The following TRPM2 variants were observed in gnomAD, a reference collection of about 807,000 sequenced individuals.
TRPM2 encodes the protein transient receptor potential cation channel subfamily M member 2.
A neutral mutation model predicts 174.0 loss-of-function variants in TRPM2; 161 were observed. The observed-to-expected ratio is 0.93, with a 90% confidence interval of 0.81 to 1.05. The LOEUF is 1.05. Among genes scored for constraint, TRPM2 ranks in the 50% least tolerant of loss-of-function variants. The pLI is 0.00. For synonymous variants in TRPM2, 954 were observed against 861.3 expected, an observed-to-expected ratio of 1.11 and a Z score of -1.88; for missense variants, 2,057 against 2,038.0, an observed-to-expected ratio of 1.01 and a Z score of -0.18.
chr21:44,425,971 T>G, intron 25 of TRPM2, 144 bp downstream of exon 25: 1 of 1,188,304 alleles, frequency 8.4e-7, no homozygotes, highest in Admixed American at 3.4e-5. Flanking sequence ...CAGCCCCTGT[T>G]TGACATTTGA....
chr21:44,355,335 C>T (rs928902268), intron 2 of TRPM2, among the ~76,000 whole-genome samples: 1 of 152,222 alleles, frequency 6.6e-6, no homozygotes, highest in African/African-American at 2.4e-5. Flanking sequence ...CAGTTGGCGC[C>T]CCTTTAGGCA....
At position 44,441,806 on chromosome 21, in the gene TRPM2, G is replaced by T. The variant is rs373570133; in HGVS notation, c.4501G>T (p.Ala1501Ser). Residue 1501 changes from alanine (A) to serine (S), a missense_variant, in exon 32 of 32, where the codon GCT becomes TCT. Coordinates refer to ENST00000397928, the MANE Select transcript of TRPM2 (RefSeq NM_003307.4). ...LLQKAAAEFG[A>S]HY ...CCAGAAGGCAGCCGCTGAGTTCGGGGCTCACTACTGACTGTGCCCTCAGGC... is the reference window on the plus strand; with the variant it reads ...CCAGAAGGCAGCCGCTGAGTTCGGGTCTCACTACTGACTGTGCCCTCAGGC... The T allele has an allele frequency of 1.5e-5, 24 of 1,607,580 alleles. No individual in the cohort carries two copies. The highest frequency in any genetic ancestry group is 2.0e-5 in the Non-Finnish European group (23 of 1,177,084).
At chr21:44,426,632 T>A in intron 25 of TRPM2, 28 bp from the exon 26 acceptor site, 1 of 1,613,430 alleles carries the variant, frequency 6.2e-7, no homozygotes, top group South Asian at 1.1e-5. Context: ...GGTAAAAATC[T>A]GAGGGAAAAC....
intron 28 of TRPM2, among the ~76,000 whole-genome samples, chr21:44,436,504 C>T (rs542586081): frequency 2.3e-3 from 325 of 143,076 alleles, no homozygotes; most frequent in Admixed American, 5.6e-3. Flanking sequence ...GTCACCCCCA[C>T]GTCACCCCCG....
In TRPM2 at chr21:44,392,215, A is replaced by T. The variant is rs145165755; in HGVS notation, c.1794+590A>T. Among the ~76,000 whole-genome samples, 622 of 149,656 alleles carry T rather than the reference A, an allele frequency of 4.2e-3. 4 individuals are homozygous for T. The highest frequency in any genetic ancestry group is 0.015 in the African/African-American group (600 of 40,476). ...TGGCCTCAAGTGATCCGCTCTCCTC[A>T]CCCTCCAAAAGGCTGGAATTTACAC... is the stretch of plus-strand genomic sequence containing the variant. On this transcript the variant is annotated intron_variant, in intron 11 of 31. Coordinates refer to ENST00000397928, the MANE Select transcript of TRPM2 (RefSeq NM_003307.4).
At chr21:44,400,153 G>C (rs1177250392) in intron 14 of TRPM2, 106 bp from the exon 15 acceptor site, 1 of 898,200 alleles carries the variant, frequency 1.1e-6, no homozygotes, top group African/African-American at 1.6e-5. Flanking sequence ...GAGACTGCAG[G>C]CTAGCTCTGT....
At chr21:44,407,112 C>T (rs1036790523) in intron 19 of TRPM2, among the ~76,000 whole-genome samples, 107 of 25,458 alleles carry the variant, frequency 4.2e-3, no homozygotes, top group African/African-American at 0.016. Flanking sequence ...CTTCCTTCTT[C>T]TCTTGATGGA....
At chr21:44,428,266 G>T (rs922606612) in intron 27 of TRPM2, among the ~76,000 whole-genome samples, 4 of 152,164 alleles carry the variant, frequency 2.6e-5, no homozygotes, top group Non-Finnish European at 5.9e-5. Context: ...ACAGCTGAAG[G>T]CTGATTGTAT....
upstream of TRPM2, among the ~76,000 whole-genome samples, chr21:44,352,102 C>G (rs1170229828): frequency 6.6e-6 from 1 of 152,256 alleles, no homozygotes; most frequent in Non-Finnish European, 1.5e-5. Flanking sequence ...AGAGCCTCCT[C>G]TTCCTCCTGC....
intron 4 of TRPM2, among the ~76,000 whole-genome samples, chr21:44,368,348 C>G (rs1312591252): frequency 6.6e-6 from 1 of 152,080 alleles, no homozygotes; most frequent in East Asian, 1.9e-4. Flanking sequence ...CTCAAGTAAT[C>G]TTCCTGCCTT....
chr21:44,387,334 A>G (rs1827281170), intron 9 of TRPM2, among the ~76,000 whole-genome samples: 1 of 152,364 alleles, frequency 6.6e-6, no homozygotes, highest in Non-Finnish European at 1.5e-5. Context: ...ATGATGCTGG[A>G]TAAACTGGAT....
chr21:44,352,752 C>T (rs2123002772), upstream of TRPM2, among the ~76,000 whole-genome samples: 115 of 152,258 alleles, frequency 7.6e-4, 1 homozygote, highest in African/African-American at 2.7e-3. Flanking sequence ...CTTCTTGTGG[C>T]CTCGGTGATG....
At chr21:44,420,334 G>A (rs145399566) in intron 22 of TRPM2, among the ~76,000 whole-genome samples, 127 of 152,326 alleles carry the variant, frequency 8.3e-4, no homozygotes, top group African/African-American at 3.0e-3. Context: ...GTTGTGTCAT[G>A]TCTAACTGCC....
chr21:44,379,498 G>A (rs1286941293), intron 8 of TRPM2, among the ~76,000 whole-genome samples: 1 of 152,230 alleles, frequency 6.6e-6, no homozygotes, highest in East Asian at 1.9e-4. Flanking sequence ...GATTGGAGGG[G>A]TGGGAGGCAG....
intron 27 of TRPM2, among the ~76,000 whole-genome samples, chr21:44,433,214 C>T (rs1030630710): frequency 6.6e-6 from 1 of 152,176 alleles, no homozygotes; most frequent in East Asian, 1.9e-4. Context: ...TGCCACTGGC[C>T]GACTAGGGAT....
intron 15 of TRPM2, among the ~76,000 whole-genome samples, chr21:44,401,098 G>A (rs1199558191): frequency 6.6e-6 from 1 of 152,166 alleles, no homozygotes; most frequent in East Asian, 1.9e-4. Flanking sequence ...GGGAGGAGCG[G>A]CTCAGGTGTC....
chr21:44,434,082 G>GCC (rs2051135872), intron 27 of TRPM2, among the ~76,000 whole-genome samples: 1 of 152,154 alleles, frequency 6.6e-6, no homozygotes, highest in African/African-American at 2.4e-5. Context: ...GCCACGCACT[G>GCC]CCGCGCAGAC....
intron 5 of TRPM2, 83 bp downstream of exon 5, chr21:44,369,426 G>A: frequency 1.3e-6 from 2 of 1,500,572 alleles, no homozygotes; most frequent in South Asian, 1.3e-5. Flanking sequence ...AGCAGGTGGA[G>A]TGTACGGGGG....
At chr21:44,403,966 A>ATG (rs2049745736) in intron 16 of TRPM2, among the ~76,000 whole-genome samples, 1 of 13,762 alleles carries the variant, frequency 7.3e-5, no homozygotes, top group Non-Finnish European at 2.6e-4. Context: ...ACATACATAC[A>ATG]CACATGCACA....
Sources: allele counts gnomAD v4.1 joint callset (sites outside exome capture counted in the v4.1 genomes callset), GRCh38; gene constraint gnomAD v4.1.1; transcripts MANE v1.5; gene names NCBI Gene and HGNC (gene_info 2026-07-23, HGNC 2026-07-21).